Variants in KSR2 observed in about 807,000 individuals in gnomAD.
The protein encoded by KSR2 is kinase suppressor of ras 2.
In KSR2, 25 loss-of-function variants were observed where a neutral mutation model predicts 107.8. The observed-to-expected ratio is 0.23, with a 90% CI of 0.17 to 0.32. KSR2 has a LOEUF of 0.32. KSR2 is among the 10% of genes least tolerant of loss of function. The probability of loss-of-function intolerance (pLI) is 1.00; values close to 1 mark genes in which losing one functional copy is unlikely to be tolerated. For missense variants in KSR2, 887 were observed against 1,268.9 expected (o/e 0.70, Z 4.57); for synonymous variants, 480 against 507.0 (o/e 0.95, Z 0.71).
intron 4 of KSR2, among the ~76,000 whole-genome samples, chr12:117,731,599 G>A (rs1020442498): frequency 6.6e-6 from 1 of 152,176 alleles, no homozygotes; most frequent in African/African-American, 2.4e-5. Flanking sequence ...TAGAAAAGGG[G>A]GAAATGTGGG....
intron 4 of KSR2, among the ~76,000 whole-genome samples, chr12:117,725,080 TCTCTCA>T (rs994550209): frequency 4.4e-5 from 6 of 135,192 alleles, no homozygotes; most frequent in African/African-American, 1.1e-4. Flanking sequence ...TCTCTCTCTC[TCTCTCA>T]CACACACACA....
At chr12:117,710,824 C>T (rs1170524271) in intron 4 of KSR2, among the ~76,000 whole-genome samples, 1 of 152,018 alleles carries the variant, frequency 6.6e-6, no homozygotes, top group Non-Finnish European at 1.5e-5. Context: ...TGCACTGTCT[C>T]ATATTCCTCC....
intron 4 of KSR2, among the ~76,000 whole-genome samples, chr12:117,686,465 G>T (rs1255798041): frequency 1.3e-5 from 2 of 151,918 alleles, no homozygotes; most frequent in Non-Finnish European, 2.9e-5. Flanking sequence ...CATATAAGGG[G>T]CAGAGCCAGG....
chr12:117,734,741 C>CATGGATGG (rs1282957441), intron 4 of KSR2, among the ~76,000 whole-genome samples: 20 of 37,506 alleles, frequency 5.3e-4, no homozygotes, highest in Admixed American at 2.8e-3. Context: ...CGCATGCATG[C>CATGGATGG]ATGCATGCAT....
Position 117,455,071 on chromosome 12 carries a change from A to AGAGC in KSR2, c.*12127_*12128insGCTC, listed in dbSNP as rs1265422353. Reference sequence around the variant, plus strand: ...GAGAGAGAGAGAGAGAGAGAGAGAGAGGTCTGTAGAGCCAGAGAGGGATGC... The same window carrying AGAGC: ...GAGAGAGAGAGAGAGAGAGAGAGAGAGAGCGGTCTGTAGAGCCAGAGAGGGATGC... On this transcript the variant is annotated 3_prime_UTR_variant, in exon 20 of 20. Coordinates refer to ENST00000339824, the MANE Select transcript of KSR2 (RefSeq NM_173598.6). 1 of 148,366 alleles carries AGAGC rather than the reference A, an allele frequency of 6.7e-6. No homozygotes were observed. The highest frequency in any genetic ancestry group is 2.0e-4 in the East Asian group (1 of 5,072). 9.2% of individuals were successfully genotyped at this position (148,366 alleles called of 1,614,324 possible). A position where few individuals can be genotyped will look rare whatever the true frequency, so the allele number is the denominator to read the frequency against.
intron 3 of KSR2, among the ~76,000 whole-genome samples, chr12:117,790,328 G>A (rs886678497): frequency 1.3e-5 from 2 of 152,160 alleles, no homozygotes; most frequent in African/African-American, 2.4e-5. Flanking sequence ...AGTCCAGAAA[G>A]GTGGGACAAC....
chr12:117,484,596 C>T (rs1872353962), intron 15 of KSR2, 47 bp from the exon 16 acceptor site: 2 of 1,602,058 alleles, frequency 1.2e-6, no homozygotes, highest in Non-Finnish European at 1.7e-6. Context: ...AACCTAAGAG[C>T]TTGCTGCCAC....
chr12:117,811,432 T>C lies in KSR2; in HGVS notation c.472+43996A>G, dbSNP rs78712755. Among the ~76,000 whole-genome samples, 1,457 of 152,316 alleles carry C rather than the reference T, an allele frequency of 9.6e-3. 25 individuals are homozygous for C. The highest frequency in any genetic ancestry group is 0.034 in the African/African-American group (1,402 of 41,564). Reference sequence around the variant, plus strand: ...GCAACACCTGAGGACTTGCTATTAATGCAGATTCCCAGGCCCCGCCCCAGA... The same window carrying C: ...GCAACACCTGAGGACTTGCTATTAACGCAGATTCCCAGGCCCCGCCCCAGA... On this transcript the variant is annotated intron_variant, in intron 3 of 19. Transcript: ENST00000339824.
At chr12:117,519,975 A>T (rs1874640938) in intron 14 of KSR2, among the ~76,000 whole-genome samples, 1 of 152,214 alleles carries the variant, frequency 6.6e-6, no homozygotes, top group Non-Finnish European at 1.5e-5. Context: ...TAGAGGTCCA[A>T]GCTAATTGAA....
At chr12:117,567,406 C>A (rs890061565) in intron 7 of KSR2, among the ~76,000 whole-genome samples, 1 of 151,890 alleles carries the variant, frequency 6.6e-6, no homozygotes, top group African/African-American at 2.4e-5. Context: ...GGGAGAGATG[C>A]GAGGGGACAG....
intron 6 of KSR2, among the ~76,000 whole-genome samples, chr12:117,580,395 C>T (rs1481206950): frequency 2.0e-5 from 3 of 152,160 alleles, no homozygotes; most frequent in Non-Finnish European, 4.4e-5. Context: ...GGAATGGCGG[C>T]GAAGGAGCGT....
intron 16 of KSR2, among the ~76,000 whole-genome samples, chr12:117,483,550 G>C (rs1276950945): frequency 1.3e-5 from 2 of 152,114 alleles, no homozygotes; most frequent in Non-Finnish European, 2.9e-5. Flanking sequence ...GAGCGAGAGA[G>C]AGACAGCAAG....
intron 4 of KSR2, among the ~76,000 whole-genome samples, chr12:117,688,428 C>T (rs1030001244): frequency 7.9e-5 from 12 of 152,242 alleles, no homozygotes; most frequent in Admixed American, 5.9e-4. Flanking sequence ...ACTAAGTACC[C>T]GCAACTCAAA....
intron 14 of KSR2, chr12:117,517,907 A>G: frequency 4.4e-6 from 2 of 455,470 alleles, no homozygotes; most frequent in Non-Finnish European, 8.8e-6. Context: ...CAGAAAAAGC[A>G]AGTTGATGGA....
chr12:117,894,102 G>C (rs1476618234), intron 1 of KSR2, among the ~76,000 whole-genome samples: 1 of 151,940 alleles, frequency 6.6e-6, no homozygotes, highest in Non-Finnish European at 1.5e-5. Flanking sequence ...GTAGAGATGG[G>C]GTTTCACCGT....
At chr12:117,885,978 C>T (rs1347419246) in intron 1 of KSR2, among the ~76,000 whole-genome samples, 1 of 151,762 alleles carries the variant, frequency 6.6e-6, no homozygotes, top group Non-Finnish European at 1.5e-5. Flanking sequence ...CGCCTGTAGC[C>T]CCAGCTACTC....
At chr12:117,613,530 C>T (rs1035064618) in intron 5 of KSR2, among the ~76,000 whole-genome samples, 1 of 152,166 alleles carries the variant, frequency 6.6e-6, no homozygotes, top group African/African-American at 2.4e-5. Flanking sequence ...AAACATGAGA[C>T]CACAGGGCAT....
At chr12:117,798,772 C>T (rs4766878) in intron 3 of KSR2, among the ~76,000 whole-genome samples, 90,533 of 150,320 alleles carry the variant, frequency 0.6, 29,451 homozygotes, top group African/African-American at 0.85. Flanking sequence ...ACTCAAACAG[C>T]TCTTTGTACA....
At chr12:117,503,643 C>T (rs765857644) in intron 14 of KSR2, among the ~76,000 whole-genome samples, 36 of 152,084 alleles carry the variant, frequency 2.4e-4, no homozygotes, top group Non-Finnish European at 3.7e-4. Context: ...TTCTGAGTAG[C>T]GAGAAATAAA....
Sources: gnomAD v4.1 joint callset for allele counts (sites outside exome capture counted in the v4.1 genomes callset) on GRCh38, gnomAD v4.1.1 for gene constraint, MANE v1.5 for transcripts, NCBI Gene and HGNC (gene_info 2026-07-23, HGNC 2026-07-21) for gene names.